NRXN2: variants seen among roughly 807,000 people sequenced by gnomAD.
NRXN2 encodes neurexin-2-beta.
In NRXN2, 29 loss-of-function variants were observed where a neutral mutation model predicts 128.8. The ratio of observed to expected loss-of-function variants is 0.23; its 90% CI spans 0.17 to 0.31. The LOEUF (loss-of-function observed/expected upper bound fraction) is 0.31, where lower values mean the gene tolerates loss of function less well. Ranked by LOEUF, NRXN2 falls within the 10% of genes least tolerant of loss-of-function variation. NRXN2 has a pLI of 1.00. For missense variants in NRXN2, 1,881 were observed against 2,452.6 expected (o/e 0.77, Z 4.92); for synonymous variants, 1,098 against 1,075.2 (o/e 1.02, Z -0.41).
chr11:64,653,324 C>T (rs1307481238), intron 12 of NRXN2, among the ~76,000 whole-genome samples: 3 of 152,260 alleles, frequency 2.0e-5, no homozygotes, highest in East Asian at 3.9e-4. Context: ...CCCTCTCAGG[C>T]TCCTCCCTGC....
At chr11:64,678,705 A>G (rs1290792441) in intron 6 of NRXN2, among the ~76,000 whole-genome samples, 1 of 152,142 alleles carries the variant, frequency 6.6e-6, no homozygotes, top group East Asian at 1.9e-4. Flanking sequence ...GACATGTCAG[A>G]GGCACTGAGG....
chr11:64,626,836 G>C (rs1184846966), intron 19 of NRXN2, among the ~76,000 whole-genome samples: 1 of 152,334 alleles, frequency 6.6e-6, no homozygotes, highest in South Asian at 2.1e-4. Flanking sequence ...GAAGGTCAAA[G>C]GTCAGAGGTT....
In NRXN2 at chr11:64,622,774, T is replaced by C; in HGVS notation, c.4152A>G (p.Thr1384=). ...TCACCTGGGTGGTGCTGTCCCTCAG[T>C]GTGGGGGAGCGGCCCCGGCGCGTGG... ...TTTTRRGRSP[T]LRDSTTQNTD... The change falls in exon 21 of 23, where the codon ACA becomes ACG. Residue 1384 remains threonine (T), a synonymous_variant. Coordinates refer to ENST00000265459, the MANE Select transcript of NRXN2 (RefSeq NM_015080.4). This position sits in a 1 kb window ranked among gnomAD's most constrained non-coding sequence, Gnocchi z 4.3. 1 of 1,610,412 alleles carries C rather than the reference T, an allele frequency of 6.2e-7. No individual in the cohort carries two copies. Among genetic ancestry groups the C allele is most frequent in the Non-Finnish European group, 8.5e-7 (1 of 1,179,248 alleles).
intron 18 of NRXN2, among the ~76,000 whole-genome samples, chr11:64,633,026 C>T (rs141677059): frequency 1.2e-3 from 177 of 152,264 alleles, no homozygotes; most frequent in African/African-American, 4.2e-3. Flanking sequence ...TGGTGCCCAC[C>T]TCCCACCTCA....
intron 11 of NRXN2, among the ~76,000 whole-genome samples, chr11:64,656,293 A>C (rs1166369135): frequency 6.6e-6 from 1 of 152,158 alleles, no homozygotes; most frequent in African/African-American, 2.4e-5. Context: ...CCCAGGGATT[A>C]AAGGGCTTTG....
At chr11:64,709,452 A>G (rs2056681275) in intron 2 of NRXN2, among the ~76,000 whole-genome samples, 1 of 151,982 alleles carries the variant, frequency 6.6e-6, no homozygotes, top group Non-Finnish European at 1.5e-5. Context: ...TATAAAAGCT[A>G]CCTAGGAAAT....
chr11:64,635,271 G>C lies in NRXN2; in HGVS notation c.3585C>G (p.Ile1195Met). The change falls in exon 18 of 23, where the codon ATC becomes ATG. Residue 1195 changes from isoleucine to methionine, a missense_variant and splice_region_variant. Transcript: ENST00000265459. The surrounding 1 kb of genome is among the most constrained non-coding windows in gnomAD (Gnocchi z 4.8). ...SGLGDYLQLHIDQGTVGVIFN... is the reference protein window; with the variant it reads ...SGLGDYLQLHMDQGTVGVIFN... ...AAGGGTTGGGGCCCAGGGTCCTTAC[G>C]ATGTGCAGCTGCAGGTAGTCTCCAA... The C allele has an allele frequency of 6.2e-7, 1 of 1,612,346 alleles. No homozygotes were observed. The highest frequency in any genetic ancestry group is 8.5e-7 in the Non-Finnish European group (1 of 1,179,902).
chr11:64,656,186 C>A (rs1301291527), intron 11 of NRXN2: 1 of 152,222 alleles, frequency 6.6e-6, no homozygotes, highest in Non-Finnish European at 1.5e-5. Flanking sequence ...TGGCAGCATG[C>A]ACTCTGTCAT....
rs1331905792 is a variant in NRXN2 at position 64,719,569 on chromosome 11, A to G, written c.-245+3402T>C. Among the ~76,000 whole-genome samples the G allele has an allele frequency of 2.0e-5, 3 of 152,232 alleles. No individual in the cohort carries two copies. The East Asian group carries it at 5.8e-4, about 29-fold the overall frequency. ...CAGGAGCTGGTAGCTCGGGGTGCAC[A>G]GGATGAGGCTGCTGCCGCCTCATGG... On this transcript the variant is annotated intron_variant, in intron 1 of 22. Coordinates refer to ENST00000265459, the MANE Select transcript of NRXN2 (RefSeq NM_015080.4).
intron 2 of NRXN2, among the ~76,000 whole-genome samples, chr11:64,702,360 G>C (rs987838641): frequency 1.4e-4 from 21 of 152,108 alleles, no homozygotes; most frequent in African/African-American, 5.1e-4. Flanking sequence ...GAATAGAAAG[G>C]GGGGAAAGGT....
Position 64,661,126 on chromosome 11 carries a change from C to T in NRXN2, c.1812G>A (p.Val604=). ...QRDGRKGSIS[V]NSRSTPFLAT... ...CCAAGAACGGCGTGCTGCGACTATT[C>T]ACTGAGATGGAGCCTGGGAATCAAG... Residue 604 remains valine, a synonymous_variant, in exon 10 of 23, where the codon GTG becomes GTA. Transcript: ENST00000265459. The T allele has an allele frequency of 6.2e-7, 1 of 1,613,580 alleles. No homozygotes were observed. Among genetic ancestry groups the T allele is most frequent in the South Asian group, 1.1e-5 (1 of 91,082 alleles).
At chr11:64,697,825 CAG>C (rs1555102241) in intron 2 of NRXN2, 33 bp from the exon 3 acceptor site, 6 of 1,612,892 alleles carry the variant, frequency 3.7e-6, no homozygotes, top group Non-Finnish European at 4.2e-6. Context: ...AAGACGGAGG[CAG>C]AGAGAGAAGA....
intron 7 of NRXN2, among the ~76,000 whole-genome samples, chr11:64,675,001 C>T (rs1334164327): frequency 6.6e-6 from 1 of 152,156 alleles, no homozygotes; most frequent in Non-Finnish European, 1.5e-5. Flanking sequence ...GGAAAGTCTG[C>T]TGGGTCCTAA....
chr11:64,679,718 A>G lies in NRXN2; in HGVS notation c.1153-2681T>C, dbSNP rs78902876. On this transcript the variant is annotated intron_variant, in intron 6 of 22. Transcript: ENST00000265459. ...CTTCCACTAATTTGACAAGAGATCC[A>G]GGCTACCTCTTAAAAATAGCAGGGT... Among the ~76,000 whole-genome samples, 466 of 152,314 alleles carry G rather than the reference A, an allele frequency of 3.1e-3. 3 individuals carry two copies. The highest frequency in any genetic ancestry group is 0.011 in the African/African-American group (452 of 41,552).
At position 64,623,098 on chromosome 11, in the gene NRXN2, G is replaced by T. The variant is rs1461328389; in HGVS notation, c.3848-20C>A. On this transcript the variant is annotated intron_variant, in intron 20 of 22. Transcript: ENST00000265459. This position sits in a 1 kb window ranked among gnomAD's most constrained non-coding sequence, Gnocchi z 4.9. ...GGCGGCCTTGCAGGAGTGGAAGGGG[G>T]TGACAGAGAAGGGGCAGGCAGTGAG... 1 of 1,587,220 alleles carries T rather than the reference G, an allele frequency of 6.3e-7. No homozygotes were observed. Among genetic ancestry groups the T allele is most frequent in the South Asian group, 1.1e-5 (1 of 87,968 alleles).
intron 17 of NRXN2, chr11:64,646,277 C>T (rs2046636550): frequency 6.6e-6 from 1 of 152,440 alleles, no homozygotes; most frequent in Non-Finnish European, 1.5e-5. Flanking sequence ...CTCTCCCTCC[C>T]TCCCACCAGC....
At chr11:64,644,727 G>A (rs2046377963) in intron 17 of NRXN2, among the ~76,000 whole-genome samples, 1 of 152,012 alleles carries the variant, frequency 6.6e-6, no homozygotes, top group Non-Finnish European at 1.5e-5. Flanking sequence ...TGAAGAAACA[G>A]TGCAGCGGAG....
chr11:64,709,611 C>T (rs1257932771), intron 2 of NRXN2, among the ~76,000 whole-genome samples: 1 of 152,120 alleles, frequency 6.6e-6, no homozygotes, highest in Non-Finnish European at 1.5e-5. Flanking sequence ...AAAATATATA[C>T]ATACATGTTT....
chr11:64,691,906 T>C (rs894165176), intron 4 of NRXN2, among the ~76,000 whole-genome samples: 2 of 152,192 alleles, frequency 1.3e-5, no homozygotes, highest in Non-Finnish European at 2.9e-5. Context: ...CTCTGTAAGA[T>C]GACCCCCCCA....
Sources: allele counts gnomAD v4.1 joint callset (sites outside exome capture counted in the v4.1 genomes callset), GRCh38; gene constraint gnomAD v4.1.1; non-coding constraint Gnocchi (gnomAD v3.1); transcripts MANE v1.5; gene names NCBI Gene and HGNC (gene_info 2026-07-23, HGNC 2026-07-21).